The following EDRF1 variants were observed in gnomAD, a reference collection of about 807,000 sequenced individuals.
EDRF1 encodes erythroid differentiation-related factor 1.
In EDRF1, 69 loss-of-function variants were observed where a neutral mutation model predicts 148.7. The ratio of observed to expected loss-of-function variants is 0.46; its 90% CI spans 0.38 to 0.57. The LOEUF (loss-of-function observed/expected upper bound fraction) is 0.57, where lower values mean the gene tolerates loss of function less well. Ranked by LOEUF, EDRF1 falls within the 20% of genes least tolerant of loss-of-function variation. EDRF1 has a pLI of 0.00. For synonymous variants in EDRF1, 515 were observed against 532.8 expected, an observed-to-expected ratio of 0.97 and a Z score of 0.46; for missense variants, 1,118 against 1,478.7, an observed-to-expected ratio of 0.76 and a Z score of 4.00.
At chr10:125,749,321 C>A in intron 21 of EDRF1, 91 bp from the exon 22 acceptor site, 1 of 1,446,612 alleles carries the variant, frequency 6.9e-7, no homozygotes, top group Non-Finnish European at 9.7e-7. Flanking sequence ...CTAGTAAGAC[C>A]CACAGTGGGG....
At chr10:125,750,256 C>T (rs1165508625) in intron 22 of EDRF1, among the ~76,000 whole-genome samples, 2 of 152,086 alleles carry the variant, frequency 1.3e-5, no homozygotes, top group Non-Finnish European at 2.9e-5. Flanking sequence ...TAGAACTGAC[C>T]CTTGGATTGT....
At chr10:125,722,939 G>A in intron 2 of EDRF1, 129 bp from the exon 3 acceptor site, 1 of 841,888 alleles carries the variant, frequency 1.2e-6, no homozygotes, top group Non-Finnish European at 2.1e-6. Flanking sequence ...TACACATCCT[G>A]GTTTCAGAGT....
intron 24 of EDRF1, chr10:125,756,943 G>T (rs1849926836): frequency 2.5e-6 from 1 of 396,956 alleles, no homozygotes; most frequent in Non-Finnish European, 4.9e-6. Context: ...TCTCAGAGTA[G>T]CTGGGACCAC....
intron 21 of EDRF1, chr10:125,748,824 A>G (rs1298371341): frequency 6.1e-6 from 1 of 164,762 alleles, no homozygotes; most frequent in Non-Finnish European, 1.3e-5. Context: ...GCATATAGAT[A>G]TCTAGTTGTC....
chr10:125,734,717 A>T (rs1447415535), intron 12 of EDRF1, among the ~76,000 whole-genome samples: 4 of 152,190 alleles, frequency 2.6e-5, no homozygotes, highest in Non-Finnish European at 4.4e-5. Flanking sequence ...TTTCTTTTAA[A>T]GAGAAGGGGA....
chr10:125,746,354 C>T (rs1849354935), intron 19 of EDRF1, among the ~76,000 whole-genome samples: 1 of 151,966 alleles, frequency 6.6e-6, no homozygotes, highest in Non-Finnish European at 1.5e-5. Context: ...TTCTAAAATG[C>T]ACAAATGTAT....
At chr10:125,730,987 A>G (rs1221987467) in intron 9 of EDRF1, among the ~76,000 whole-genome samples, 1 of 152,088 alleles carries the variant, frequency 6.6e-6, no homozygotes, top group Non-Finnish European at 1.5e-5. Flanking sequence ...GTAGAAAAAC[A>G]ACGCACACAC....
At chr10:125,747,293 G>A (rs1045395866) in intron 19 of EDRF1, 17 of 528,678 alleles carry the variant, frequency 3.2e-5, no homozygotes, top group South Asian at 1.8e-4. Context: ...GCAGCAGCAC[G>A]GATTGGCTTC....
intron 1 of EDRF1, 54 bp downstream of exon 1, chr10:125,719,969 T>A: frequency 6.5e-7 from 1 of 1,530,528 alleles, no homozygotes; most frequent in Non-Finnish European, 9.0e-7. Flanking sequence ...GAGGACCCGC[T>A]CCACCGGGGA....
At chr10:125,732,179 C>T (rs950684874) in intron 9 of EDRF1, among the ~76,000 whole-genome samples, 2 of 152,088 alleles carry the variant, frequency 1.3e-5, no homozygotes, top group African/African-American at 4.8e-5. Context: ...GATTGAAAAC[C>T]ACTGTTAGAC....
At chr10:125,734,697 G>C (rs1286052167) in intron 12 of EDRF1, among the ~76,000 whole-genome samples, 1 of 152,060 alleles carries the variant, frequency 6.6e-6, no homozygotes, top group African/African-American at 2.4e-5. Context: ...TTAAATAAAG[G>C]CCAGTAAAAT....
intron 12 of EDRF1, among the ~76,000 whole-genome samples, chr10:125,734,538 C>G (rs539179186): frequency 1.7e-4 from 26 of 152,216 alleles, no homozygotes; most frequent in Non-Finnish European, 2.5e-4. Context: ...TTACATTTCT[C>G]TCAGACAGCA....
intron 5 of EDRF1, 70 bp downstream of exon 5, chr10:125,725,512 A>T: frequency 1.3e-6 from 2 of 1,599,580 alleles, no homozygotes; most frequent in Non-Finnish European, 8.6e-7. Flanking sequence ...GTGAAGCTTA[A>T]TGAAGTTATA....
rs1850300115 is a variant in EDRF1, at chr10:125,763,923, G to GA, written c.*457dup. 5.5e-6 allele frequency: 1 copy of GA among 183,360 alleles called. No homozygotes were observed. The highest frequency in any genetic ancestry group is 1.2e-5 in the Non-Finnish European group (1 of 85,956). The allele number at this position is 183,360 out of a possible 1,614,324, so 11.4% of individuals were successfully genotyped here. ...ACAGTGTTTCCTTTTAAATTGTCCAGAAAAAAGGTGTGTTCTTCATAAGCT... is the reference window on the plus strand; with the variant it reads ...ACAGTGTTTCCTTTTAAATTGTCCAGAAAAAAAGGTGTGTTCTTCATAAGCT... On this transcript the variant is annotated 3_prime_UTR_variant, in exon 25 of 25. Coordinates refer to ENST00000356792, the MANE Select transcript of EDRF1 (RefSeq NM_001202438.2). The surrounding 1 kb of genome is among the most constrained non-coding windows in gnomAD (Gnocchi z 4.3).
chr10:125,736,405 A>G (rs943294098), intron 13 of EDRF1, among the ~76,000 whole-genome samples: 1 of 152,234 alleles, frequency 6.6e-6, no homozygotes, highest in Admixed American at 6.5e-5. Context: ...AGAGGGCCAG[A>G]CAGATTTCTC....
intron 13 of EDRF1, among the ~76,000 whole-genome samples, chr10:125,736,778 T>C (rs370973438): frequency 6.6e-6 from 1 of 151,880 alleles, no homozygotes; most frequent in Admixed American, 6.6e-5. Context: ...GCTTGGAATG[T>C]ACCTACCCTA....
At chr10:125,728,445 A>C (rs1412992636) in intron 6 of EDRF1, among the ~76,000 whole-genome samples, 1 of 152,164 alleles carries the variant, frequency 6.6e-6, no homozygotes, top group Non-Finnish European at 1.5e-5. Context: ...GTGTTCTGTG[A>C]AACACTCATC....
intron 17 of EDRF1, 67 bp downstream of exon 17, chr10:125,741,268 G>A: frequency 7.3e-7 from 1 of 1,378,274 alleles, no homozygotes; most frequent in Non-Finnish European, 1.0e-6. Flanking sequence ...GCTTATTTGA[G>A]TATTCAGAAA....
At chr10:125,751,407 TTTTTTTTTG>T (rs1849632007) in intron 22 of EDRF1, among the ~76,000 whole-genome samples, 1 of 150,970 alleles carries the variant, frequency 6.6e-6, no homozygotes, top group Admixed American at 6.6e-5. Flanking sequence ...ACCCAGTGTT[TTTTTTTTTG>T]TTTTTTTTTT....
Sources: gnomAD v4.1 joint callset for allele counts (sites outside exome capture counted in the v4.1 genomes callset) on GRCh38, gnomAD v4.1.1 for gene constraint, Gnocchi (gnomAD v3.1) non-coding constraint, MANE v1.5 for transcripts, NCBI Gene and HGNC (gene_info 2026-07-23, HGNC 2026-07-21) for gene names.